The following GHR variants were observed in gnomAD, a reference collection of about 807,000 sequenced individuals.
GHR encodes growth hormone receptor, also known as GH receptor.
A neutral mutation model predicts 67.1 loss-of-function variants in GHR; 35 were observed. That is an observed-to-expected ratio of 0.52 (90% confidence interval 0.40 to 0.69). GHR has a LOEUF of 0.69. Among genes scored for constraint, GHR ranks in the 30% least tolerant of loss-of-function variants. The pLI, the probability that GHR is intolerant of heterozygous loss-of-function variation, is 0.00. For synonymous variants in GHR, 272 were observed against 269.1 expected, an observed-to-expected ratio of 1.01 and a Z score of -0.10; for missense variants, 792 against 764.6, an observed-to-expected ratio of 1.04 and a Z score of -0.42.
At chr5:42,572,273 A>C (rs1339273929) in intron 2 of GHR, among the ~76,000 whole-genome samples, 1 of 152,086 alleles carries the variant, frequency 6.6e-6, no homozygotes, top group Non-Finnish European at 1.5e-5. Flanking sequence ...AGTACTGTGC[A>C]CCTAGCTTGT....
intron 1 of GHR, among the ~76,000 whole-genome samples, chr5:42,432,207 T>C (rs1390583544): frequency 6.6e-6 from 1 of 152,134 alleles, no homozygotes; most frequent in Non-Finnish European, 1.5e-5. Context: ...CAAAGAAAAA[T>C]CCTTATTCTT....
At chr5:42,661,062 A>G (rs563982627) in intron 3 of GHR, among the ~76,000 whole-genome samples, 1 of 152,328 alleles carries the variant, frequency 6.6e-6, no homozygotes, top group Non-Finnish European at 1.5e-5. Flanking sequence ...TAGAGAAAAA[A>G]GAATAAAAAG....
At chr5:42,661,718 A>G (rs958464781) in intron 3 of GHR, among the ~76,000 whole-genome samples, 17 of 152,214 alleles carry the variant, frequency 1.1e-4, no homozygotes, top group African/African-American at 3.6e-4. Context: ...ATAACCAGCT[A>G]ACATCATAAT....
chr5:42,549,112 T>C (rs1019078624), intron 1 of GHR, among the ~76,000 whole-genome samples: 3 of 152,208 alleles, frequency 2.0e-5, no homozygotes, highest in Non-Finnish European at 4.4e-5. Context: ...AAATAGGGCT[T>C]TGTCTCCTTC....
At chr5:42,706,794 T>C (rs1054353101) in intron 6 of GHR, among the ~76,000 whole-genome samples, 1 of 152,204 alleles carries the variant, frequency 6.6e-6, no homozygotes, top group Non-Finnish European at 1.5e-5. Flanking sequence ...TGTAGCCTTG[T>C]AGTATAATTT....
At chr5:42,477,431 A>G (rs1173977092) in intron 1 of GHR, among the ~76,000 whole-genome samples, 3 of 152,200 alleles carry the variant, frequency 2.0e-5, no homozygotes, top group Non-Finnish European at 2.9e-5. Context: ...TGGTATTTTT[A>G]GTTCTAGATC....
intron 1 of GHR, among the ~76,000 whole-genome samples, chr5:42,442,544 T>A (rs1384709605): frequency 6.6e-6 from 1 of 152,008 alleles, no homozygotes; most frequent in Admixed American, 6.5e-5. Flanking sequence ...AAGGAGAGTA[T>A]AGAGATCTTT....
chr5:42,518,630 T>C (rs1419681351), intron 1 of GHR, among the ~76,000 whole-genome samples: 2 of 152,124 alleles, frequency 1.3e-5, no homozygotes, highest in African/African-American at 4.8e-5. Context: ...AGCATTTGGA[T>C]CACTCTCTCT....
chr5:42,495,063 T>C (rs962238458), intron 1 of GHR, among the ~76,000 whole-genome samples: 3 of 80,612 alleles, frequency 3.7e-5, no homozygotes, highest in African/African-American at 1.6e-4. Context: ...AAGTGACACA[T>C]TGCCAATTCC....
chr5:42,545,417 T>G (rs1385824612), intron 1 of GHR, among the ~76,000 whole-genome samples: 1 of 152,226 alleles, frequency 6.6e-6, no homozygotes, highest in African/African-American at 2.4e-5. Flanking sequence ...TTTTCGGTTT[T>G]CTTTAGATAT....
At chr5:42,544,608 T>C (rs1748655929) in intron 1 of GHR, among the ~76,000 whole-genome samples, 1 of 152,184 alleles carries the variant, frequency 6.6e-6, no homozygotes, top group Non-Finnish European at 1.5e-5. Context: ...ACTGATAATA[T>C]TGAAAAACTA....
At chr5:42,480,703 T>A (rs545819975) in intron 1 of GHR, among the ~76,000 whole-genome samples, 1 of 152,336 alleles carries the variant, frequency 6.6e-6, no homozygotes, top group Admixed American at 6.5e-5. Flanking sequence ...GAGACTAGGA[T>A]TGCAACCCCT....
intron 2 of GHR, among the ~76,000 whole-genome samples, chr5:42,612,187 C>T (rs1752924102): frequency 6.6e-6 from 1 of 152,054 alleles, no homozygotes; most frequent in African/African-American, 2.4e-5. Context: ...TGACATTTGT[C>T]TGAATTATAG....
At chr5:42,425,221 G>A (rs1001039382) in intron 1 of GHR, among the ~76,000 whole-genome samples, 2 of 152,214 alleles carry the variant, frequency 1.3e-5, no homozygotes, top group African/African-American at 4.8e-5. Context: ...TGTAATATGT[G>A]TGAGTACAGA....
intron 1 of GHR, chr5:42,468,504 G>T: frequency 1.3e-6 from 1 of 780,610 alleles, no homozygotes; most frequent in Non-Finnish European, 2.1e-6. Flanking sequence ...GCAGGAGGCT[G>T]GGGGACCAGG....
intron 3 of GHR, among the ~76,000 whole-genome samples, chr5:42,688,215 CTGA>C (rs1389208380): frequency 6.6e-6 from 1 of 152,230 alleles, no homozygotes; most frequent in Non-Finnish European, 1.5e-5. Flanking sequence ...CCACATCCAC[CTGA>C]TGTCATCACA....
rs144293447 is a variant in GHR, at chr5:42,631,405, G to A, written c.136+2302G>A. ...AACCTATATCAGTGTCTGTAACAGT[G>A]GGCACCTATCATAGTGCACATGCTT... is the stretch of plus-strand genomic sequence containing the variant. On this transcript the variant is annotated intron_variant, in intron 3 of 9. Transcript: ENST00000230882. 4.3e-4 allele frequency among the ~76,000 whole-genome samples: 65 copies of A among 152,220 alleles called. 2 individuals are homozygous for A. In the South Asian group the frequency reaches 1.0e-2, roughly 23 times the overall value.
intron 1 of GHR, chr5:42,468,191 CTT>C: frequency 7.1e-7 from 1 of 1,416,116 alleles, no homozygotes; most frequent in Non-Finnish European, 1.0e-6. Context: ...GGGGCCCAGA[CTT>C]TGATGTTCTC....
chr5:42,511,594 T>G (rs1288099438), intron 1 of GHR, among the ~76,000 whole-genome samples: 3 of 152,186 alleles, frequency 2.0e-5, no homozygotes, highest in African/African-American at 7.2e-5. Flanking sequence ...TTTTGTTTGT[T>G]TGTTTGTTTT....
Sources: gnomAD v4.1 joint callset for allele counts (sites outside exome capture counted in the v4.1 genomes callset) on GRCh38, gnomAD v4.1.1 for gene constraint, MANE v1.5 for transcripts, NCBI Gene and HGNC (gene_info 2026-07-23, HGNC 2026-07-21) for gene names.